The following OPN5 variants were observed in gnomAD, a reference collection of about 807,000 sequenced individuals.
OPN5 encodes the protein opsin-5.
Under a neutral mutation model 41.7 loss-of-function variants are expected in OPN5, and 18 were observed. The ratio of observed to expected loss-of-function variants is 0.43; its 90% CI spans 0.30 to 0.64. The LOEUF is 0.64. Ranked by LOEUF, OPN5 falls within the 30% of genes least tolerant of loss-of-function variation. OPN5 has a pLI of 0.13. For missense variants in OPN5, 318 were observed against 434.5 expected, an observed-to-expected ratio of 0.73 and a Z score of 2.38; for synonymous variants, 178 against 164.3, an observed-to-expected ratio of 1.08 and a Z score of -0.64.
intron 2 of OPN5, among the ~76,000 whole-genome samples, chr6:47,787,463 T>C (rs1773226155): frequency 6.6e-6 from 1 of 152,234 alleles, no homozygotes; most frequent in African/African-American, 2.4e-5. Context: ...TTAGATGGAC[T>C]CTAATCTGTC....
chr6:47,788,229 G>A (rs1190606211), intron 2 of OPN5, among the ~76,000 whole-genome samples: 2 of 152,244 alleles, frequency 1.3e-5, no homozygotes, highest in Non-Finnish European at 2.9e-5. Context: ...GCCACGCGAT[G>A]GCGCTGTCGC....
intron 4 of OPN5, among the ~76,000 whole-genome samples, chr6:47,800,006 A>T (rs951902374): frequency 3.9e-5 from 6 of 152,098 alleles, no homozygotes; most frequent in African/African-American, 1.4e-4. Context: ...GGAGTTTCAA[A>T]TTTCTGTTTT....
chr6:47,804,714 A>G (rs764080542), intron 4 of OPN5, among the ~76,000 whole-genome samples: 2 of 152,186 alleles, frequency 1.3e-5, no homozygotes, highest in African/African-American at 2.4e-5. Context: ...TTTCTGCTTT[A>G]AACTCAATTT....
chr6:47,795,275 C>T (rs761002847), exon 4 of OPN5: 1 of 1,612,450 alleles, frequency 6.2e-7, no homozygotes, highest in Non-Finnish European at 8.5e-7. Context: ...TGGCAGCCAT[C>T]TGGGCCTATG....
At chr6:47,796,540 A>C (rs1773578124) in intron 4 of OPN5, among the ~76,000 whole-genome samples, 1 of 152,028 alleles carries the variant, frequency 6.6e-6, no homozygotes, top group South Asian at 2.1e-4. Flanking sequence ...TAACCCCCCA[A>C]ATTTTCTCTT....
intron 4 of OPN5, among the ~76,000 whole-genome samples, chr6:47,801,887 T>TGAAG (rs1036827041): frequency 1.3e-5 from 2 of 152,124 alleles, no homozygotes; most frequent in African/African-American, 4.8e-5. Context: ...ATATATTTGT[T>TGAAG]GAAGGAAGGA....
chr6:47,822,049 T>A (rs945685637), intron 6 of OPN5, among the ~76,000 whole-genome samples: 2 of 151,028 alleles, frequency 1.3e-5, no homozygotes, highest in Admixed American at 1.3e-4. Flanking sequence ...AAGGTGAAGG[T>A]TGCAGCAAGC....
At position 47,820,611 on chromosome 6, in the gene OPN5, G is replaced by A. The variant is rs1020981939; in HGVS notation, c.1057-3372G>A. On this transcript the variant is annotated intron_variant, in intron 6 of 6. Transcript: ENST00000371211. ...GCATCAAATCCTAACTTGGCTTTTC[G>A]GATAAGGGAACCAGTTGTATGGGGG... is the stretch of plus-strand genomic sequence containing the variant. Among the ~76,000 whole-genome samples, 8 of 152,218 alleles carry A rather than the reference G, an allele frequency of 5.3e-5. No individual in the cohort carries two copies. In the South Asian group the frequency reaches 1.0e-3, roughly 20 times the overall value.
At chr6:47,793,930 C>T (rs115049462) in intron 3 of OPN5, among the ~76,000 whole-genome samples, 1 of 151,938 alleles carries the variant, frequency 6.6e-6, no homozygotes, top group Non-Finnish European at 1.5e-5. Flanking sequence ...GATTGCCACC[C>T]CTATCTGGTT....
downstream of OPN5, chr6:47,825,237 G>A (rs1214750209): frequency 6.6e-6 from 1 of 152,180 alleles, no homozygotes; most frequent in Non-Finnish European, 1.5e-5. Flanking sequence ...ATGTGCCAAA[G>A]TGAGTTTAAA....
exon 7 of OPN5, chr6:47,824,105 C>T (rs1762721060): frequency 1.3e-6 from 1 of 791,122 alleles, no homozygotes; most frequent in Admixed American, 2.2e-5. Context: ...ACTCCACTTA[C>T]CCTGTCAGGA....
intron 4 of OPN5, 108 bp from the exon 5 acceptor site, chr6:47,808,046 C>A (rs945198112): frequency 3.0e-6 from 3 of 1,000,874 alleles, no homozygotes; most frequent in Non-Finnish European, 4.6e-6. Context: ...CAATGACAGA[C>A]TTTCTTGGCT....
At chr6:47,795,240 A>C (rs1561893427) in exon 4 of OPN5, 2 of 1,595,608 alleles carry the variant, frequency 1.3e-6, no homozygotes, top group Admixed American at 3.4e-5. Context: ...GGTTTGGCTG[A>C]AAAGAAAGCA....
chr6:47,824,281 G>A (rs1303295962), exon 7 of OPN5: 7 of 448,844 alleles, frequency 1.6e-5, no homozygotes, highest in Non-Finnish European at 2.4e-5. Flanking sequence ...CGTCAGTAAG[G>A]ACTTCACTTT....
intron 4 of OPN5, among the ~76,000 whole-genome samples, chr6:47,806,660 T>A (rs897248422): frequency 6.6e-6 from 1 of 152,186 alleles, no homozygotes; most frequent in African/African-American, 2.4e-5. Context: ...TCTCAAAGAA[T>A]ACAGAATTAA....
chr6:47,792,864 T>C (rs1017695172), intron 3 of OPN5, among the ~76,000 whole-genome samples: 1 of 152,088 alleles, frequency 6.6e-6, no homozygotes, highest in East Asian at 1.9e-4. Flanking sequence ...ACACTGTCAA[T>C]GTGGTAGAAT....
intron 1 of OPN5, among the ~76,000 whole-genome samples, chr6:47,786,079 A>T (rs1375916027): frequency 1.5e-4 from 23 of 152,204 alleles, no homozygotes; most frequent in Non-Finnish European, 4.4e-5. Flanking sequence ...GTTGACAGTG[A>T]TACTGAAGGC....
chr6:47,820,024 A>G (rs1762568864), intron 6 of OPN5, among the ~76,000 whole-genome samples: 1 of 152,174 alleles, frequency 6.6e-6, no homozygotes. Flanking sequence ...CTCAGCCTCA[A>G]TACACTCCAG....
At chr6:47,818,898 GA>G (rs1383042944) in intron 6 of OPN5, among the ~76,000 whole-genome samples, 1 of 152,090 alleles carries the variant, frequency 6.6e-6, no homozygotes, top group African/African-American at 2.4e-5. Flanking sequence ...AGGGAGAGTG[GA>G]GGAAATGTGA....
Sources: allele counts gnomAD v4.1 joint callset (sites outside exome capture counted in the v4.1 genomes callset), GRCh38; gene constraint gnomAD v4.1.1; transcripts MANE v1.5; gene names NCBI Gene and HGNC (gene_info 2026-07-23, HGNC 2026-07-21).